The following DNAJC10 variants were observed in gnomAD, a reference collection of about 807,000 sequenced individuals.
DNAJC10 encodes DnaJ heat shock protein family (Hsp40) member C10.
Under a neutral mutation model 115.0 loss-of-function variants are expected in DNAJC10, and 101 were observed. The ratio of observed to expected loss-of-function variants is 0.88; its 90% CI spans 0.75 to 1.04. The LOEUF (loss-of-function observed/expected upper bound fraction) is 1.04, where lower values mean the gene tolerates loss of function less well. DNAJC10 is among the 50% of genes least tolerant of loss of function. The probability of loss-of-function intolerance (pLI) is 0.00; values close to 1 mark genes in which losing one functional copy is unlikely to be tolerated. For missense variants in DNAJC10, 981 were observed against 928.8 expected (o/e 1.06, Z -0.73); for synonymous variants, 307 against 301.5 (o/e 1.02, Z -0.19).
At position 182,781,013 on chromosome 2, in the gene DNAJC10, A is replaced by G. The variant is rs1159224554; in HGVS notation, c.*3881A>G. The stretch of plus-strand genomic sequence containing the variant: ...TTCAAGTTCTGCAATACATGTGCAG[A>G]ACATGCAGGTTTGTTACATAGGTAT... On this transcript the variant is annotated 3_prime_UTR_variant, in exon 24 of 24. Coordinates refer to ENST00000264065, the MANE Select transcript of DNAJC10 (RefSeq NM_018981.4). 6.6e-6 allele frequency: 1 copy of G among 152,086 alleles called. No individual in the cohort carries two copies. The highest frequency in any genetic ancestry group is 1.9e-4 in the East Asian group (1 of 5,180). The allele number at this position is 152,086 out of a possible 1,614,324, so 9.4% of individuals were successfully genotyped here. A position where few individuals can be genotyped will look rare whatever the true frequency, so the allele number is the denominator to read the frequency against.
chr2:182,757,851 C>T (rs749155000), intron 19 of DNAJC10, 26 bp downstream of exon 19: 8 of 1,279,604 alleles, frequency 6.3e-6, no homozygotes, highest in South Asian at 1.4e-5. Flanking sequence ...TATTTGAAGA[C>T]ATTTATTATA....
At chr2:182,725,876 C>CT (rs1233894579) in intron 5 of DNAJC10, among the ~76,000 whole-genome samples, 1 of 152,018 alleles carries the variant, frequency 6.6e-6, no homozygotes, top group South Asian at 2.1e-4. Context: ...CTATCTGGGA[C>CT]TTTTTTTTCA....
intron 14 of DNAJC10, among the ~76,000 whole-genome samples, chr2:182,746,515 G>T (rs1693870833): frequency 6.6e-6 from 1 of 151,234 alleles, no homozygotes. Context: ...TTTGTTTTTT[G>T]GCTGCATAAA....
intron 14 of DNAJC10, among the ~76,000 whole-genome samples, chr2:182,748,498 A>G (rs1444102839): frequency 5.9e-5 from 9 of 151,894 alleles, no homozygotes; most frequent in Admixed American, 5.9e-4. Flanking sequence ...TTTCTTCTAG[A>G]TTTTCTAGTT....
rs1392357397 is a variant in DNAJC10, at chr2:182,757,774, A to G, written c.1892A>G (p.Tyr631Cys). The change falls in exon 19 of 24, where the codon TAC becomes TGC. Residue 631 changes from tyrosine to cysteine, a missense_variant. Coordinates refer to ENST00000264065, the MANE Select transcript of DNAJC10 (RefSeq NM_018981.4). Reference protein sequence around the residue: ...SFCAQENVQRYPEIRFFPPKS... With the variant: ...SFCAQENVQRCPEIRFFPPKS... ...TGTGCCCAGGAAAACGTTCAAAGAT[A>G]CCCTGAGATAAGATTTTTTCCCCCA... 6.3e-7 allele frequency: 1 copy of G among 1,584,350 alleles called. No individual in the cohort carries two copies. The highest frequency in any genetic ancestry group is 2.3e-5 in the East Asian group (1 of 44,388).
intron 22 of DNAJC10, among the ~76,000 whole-genome samples, chr2:182,767,343 A>G (rs1364034268): frequency 2.6e-5 from 4 of 152,226 alleles, no homozygotes; most frequent in African/African-American, 9.6e-5. Flanking sequence ...CTGCCAAATT[A>G]AAAGCATAAG....
intron 13 of DNAJC10, 28 bp from the exon 14 acceptor site, chr2:182,743,570 T>C (rs754507651): frequency 4.7e-6 from 7 of 1,491,608 alleles, no homozygotes; most frequent in African/African-American, 4.1e-5. Flanking sequence ...ACAGTGTTTT[T>C]ATCAAATTTG....
rs149656732 is a variant in DNAJC10 at position 182,752,088 on chromosome 2, G to A, written c.1451G>A (p.Arg484Gln). The A allele has an allele frequency of 2.6e-4, 422 of 1,613,274 alleles. 1 individual carries two copies. In the African/African-American group the frequency reaches 3.1e-3, roughly 12 times the overall value. The stretch of plus-strand genomic sequence containing the variant: ...CTTTCCTAGTGGTGTCCACCATGTC[G>A]AGCTTTACTACCAGAGTTACGAAGA... The part of the protein sequence containing the change: ...DFFAPWCPPC[R>Q]ALLPELRRAS... The change falls in exon 16 of 24, where the codon CGA (arginine) becomes CAA (glutamine). Residue 484 changes from arginine to glutamine, a missense_variant. Coordinates refer to ENST00000264065, the MANE Select transcript of DNAJC10 (RefSeq NM_018981.4).
Position 182,752,079 on chromosome 2 carries a change from C to G in DNAJC10, c.1442C>G (p.Pro481Arg). 6.2e-7 allele frequency: 1 copy of G among 1,611,538 alleles called. No individual in the cohort carries two copies. Among genetic ancestry groups the G allele is most frequent in the Non-Finnish European group, 8.5e-7 (1 of 1,178,688 alleles). Residue 481 changes from proline to arginine, a missense_variant, in exon 16 of 24, where the codon CCA becomes CGA. Transcript: ENST00000264065. ...WLVDFFAPWCPPCRALLPELR... is the reference protein window; with the variant it reads ...WLVDFFAPWCRPCRALLPELR... ...ATATTTTTTCTTTCCTAGTGGTGTC[C>G]ACCATGTCGAGCTTTACTACCAGAG...
At chr2:182,730,568 A>C (rs1488862340) in intron 8 of DNAJC10, 1 of 452,906 alleles carries the variant, frequency 2.2e-6, no homozygotes, top group Non-Finnish European at 4.4e-6. Flanking sequence ...AAAACAACCC[A>C]GTTGGGGAAA....
At chr2:182,720,998 T>C (rs1280703467) in intron 4 of DNAJC10, among the ~76,000 whole-genome samples, 2 of 152,096 alleles carry the variant, frequency 1.3e-5, no homozygotes, top group Admixed American at 1.3e-4. Context: ...GGTGTTTTTT[T>C]TCTTAAACAT....
At chr2:182,738,893 G>A (rs562216186) in intron 11 of DNAJC10, among the ~76,000 whole-genome samples, 4 of 152,152 alleles carry the variant, frequency 2.6e-5, no homozygotes, top group African/African-American at 9.6e-5. Context: ...ATATCTGGTA[G>A]GTGGAATTCA....
Position 182,777,644 on chromosome 2 carries a change from G to A in DNAJC10, c.*512G>A, listed in dbSNP as rs781121750. On this transcript the variant is annotated 3_prime_UTR_variant, in exon 24 of 24. Coordinates refer to ENST00000264065, the MANE Select transcript of DNAJC10 (RefSeq NM_018981.4). ...CCTGAAAAGAGGTAACTTAGTTTTTGGTCACTTGTTCTCCTAAAAATGCTA... is the reference window on the plus strand; with the variant it reads ...CCTGAAAAGAGGTAACTTAGTTTTTAGTCACTTGTTCTCCTAAAAATGCTA... 3 of 151,994 alleles carry A rather than the reference G, an allele frequency of 2.0e-5. No individual in the cohort carries two copies. Among genetic ancestry groups the A allele is most frequent in the African/African-American group, 7.2e-5 (3 of 41,384 alleles). The allele number at this position is 151,994 out of a possible 1,614,324, so 9.4% of individuals were successfully genotyped here.
At position 182,759,127 on chromosome 2, in the gene DNAJC10, A is replaced by G. The variant is rs200036495; in HGVS notation, c.1998-33A>G. ...TTTCATATGTTTGCTTTGGTTTTATATAATGAAAAATGATTTTGATCATTT... is the reference window on the plus strand; with the variant it reads ...TTTCATATGTTTGCTTTGGTTTTATGTAATGAAAAATGATTTTGATCATTT... On this transcript the variant is annotated intron_variant, in intron 20 of 23. Transcript: ENST00000264065. The G allele has an allele frequency of 6.7e-5, 103 of 1,541,780 alleles. No homozygotes were observed. The African/African-American group carries it at 9.3e-4, about 14-fold the overall frequency.
At position 182,775,562 on chromosome 2, in the gene DNAJC10, A is replaced by T. The variant is rs190271800; in HGVS notation, c.2370+142A>T. The T allele has an allele frequency of 7.0e-6, 4 of 569,284 alleles. No homozygotes were observed. In the African/African-American group the frequency reaches 7.5e-5, roughly 11 times the overall value. The allele number at this position is 569,284 out of a possible 1,614,324, so 35.3% of individuals were successfully genotyped here. On this transcript the variant is annotated intron_variant, in intron 23 of 23. Transcript: ENST00000264065. ...AGATAGCTGAAAATTCTACTTTGGG[A>T]AATAGGACAATCAAAATGTAGCCTA...
chr2:182,775,353 C>A lies in DNAJC10; in HGVS notation c.2303C>A (p.Ala768Glu). 1 of 1,612,758 alleles carries A rather than the reference C, an allele frequency of 6.2e-7. No homozygotes were observed. Among genetic ancestry groups the A allele is most frequent in the Non-Finnish European group, 8.5e-7 (1 of 1,179,248 alleles). The change falls in exon 23 of 24, where the codon GCA becomes GAA. Residue 768 changes from alanine to glutamate, a missense_variant. By Grantham distance (107) the Ala-to-Glu change is moderately radical. Coordinates refer to ENST00000264065, the MANE Select transcript of DNAJC10 (RefSeq NM_018981.4). ...GAAGAGCAGATAAATACCAGAGATG[C>A]AAAAGCAATCGCTGCCTTAATAAGT... ...FQEEQINTRD[A>E]KAIAALISEK... is the part of the protein sequence containing the mutation.
chr2:182,779,478 G>A lies in DNAJC10; in HGVS notation c.*2346G>A, dbSNP rs1189696527. 6.6e-6 allele frequency: 1 copy of A among 152,166 alleles called. No individual in the cohort carries two copies. The highest frequency in any genetic ancestry group is 1.5e-5 in the Non-Finnish European group (1 of 68,046). 9.4% of individuals were successfully genotyped at this position (152,166 alleles called of 1,614,324 possible). ...GTGGCTTACAGTCAGGTATGGTGGT[G>A]TGCGCCTATTGTCCCATCTACTTGA... On this transcript the variant is annotated 3_prime_UTR_variant, in exon 24 of 24. Transcript: ENST00000264065.
chr2:182,758,450 A>G (rs1378035272), intron 19 of DNAJC10, among the ~76,000 whole-genome samples: 1 of 152,228 alleles, frequency 6.6e-6, no homozygotes, highest in Non-Finnish European at 1.5e-5. Context: ...TGAGGAAATT[A>G]TGAAAGGCTG....
At chr2:182,741,959 TATC>T (rs1559008493) in intron 13 of DNAJC10, among the ~76,000 whole-genome samples, 1 of 152,046 alleles carries the variant, frequency 6.6e-6, no homozygotes, top group Admixed American at 6.6e-5. Flanking sequence ...CATACAACAA[TATC>T]ATAAACTTTT....
Sources: gnomAD v4.1 joint callset for allele counts (sites outside exome capture counted in the v4.1 genomes callset) on GRCh38, gnomAD v4.1.1 for gene constraint, MANE v1.5 for transcripts, NCBI Gene and HGNC (gene_info 2026-07-23, HGNC 2026-07-21) for gene names.